Variants in DMD observed in about 807,000 individuals in gnomAD.
The protein encoded by DMD is mutant dystrophin.
A neutral mutation model predicts 330.1 loss-of-function variants in DMD; 63 were observed. That is an observed-to-expected ratio of 0.19 (90% CI 0.16 to 0.24). The LOEUF (loss-of-function observed/expected upper bound fraction) is 0.24, where lower values mean the gene tolerates loss of function less well. Among genes scored for constraint, DMD ranks in the 10% least tolerant of loss-of-function variants. The pLI is 1.00. For missense variants in DMD, 3,344 were observed against 2,684.1 expected (o/e 1.25, Z -5.43); for synonymous variants, 1,223 against 959.8 (o/e 1.27, Z -5.07).
intron 1 of DMD, among the ~76,000 whole-genome samples, chrX:33,047,235 G>C (rs770343839): frequency 8.9e-6 from 1 of 112,228 alleles, no homozygotes; most frequent in Non-Finnish European, 1.9e-5. Flanking sequence ...TGCTGACAAA[G>C]GAGAGTAAAC....
intron 2 of DMD, among the ~76,000 whole-genome samples, chrX:32,951,178 C>T (rs945600372): frequency 9.0e-6 from 1 of 111,500 alleles, no homozygotes; most frequent in Non-Finnish European, 1.9e-5. Context: ...TCTGATTATA[C>T]CCCACCATTT....
chrX:31,260,197 G>A (rs908789501), intron 63 of DMD, among the ~76,000 whole-genome samples: 8 of 111,325 alleles, frequency 7.2e-5, no homozygotes, highest in African/African-American at 2.6e-4. Flanking sequence ...AGCTATAACC[G>A]CACCACTGCA....
chrX:32,506,869 G>A, intron 18 of DMD, among the ~76,000 whole-genome samples: 1 of 111,417 alleles, frequency 9.0e-6, no homozygotes, highest in Non-Finnish European at 1.9e-5. Context: ...TAATTTGTTG[G>A]TTGAACTGAA....
intron 60 of DMD, among the ~76,000 whole-genome samples, chrX:31,437,306 T>C (rs1459518413): frequency 8.9e-6 from 1 of 111,815 alleles, no homozygotes; most frequent in Non-Finnish European, 1.9e-5. Flanking sequence ...GATGCAAAAA[T>C]ATATTTTTGC....
At chrX:32,381,370 C>T (rs1309628532) in intron 33 of DMD, among the ~76,000 whole-genome samples, 6 of 111,057 alleles carry the variant, frequency 5.4e-5, no homozygotes, top group Non-Finnish European at 1.1e-4. Context: ...ATACCAACAC[C>T]CTCAAAAGCA....
intron 53 of DMD, among the ~76,000 whole-genome samples, chrX:31,676,853 A>G (rs373303650): frequency 1.2e-4 from 13 of 112,586 alleles, no homozygotes; most frequent in African/African-American, 3.9e-4. Flanking sequence ...GTTATTATTA[A>G]CATTAGGATT....
At chrX:32,701,110 G>A (rs953644970) in intron 7 of DMD, among the ~76,000 whole-genome samples, 2 of 112,109 alleles carry the variant, frequency 1.8e-5, no homozygotes, top group Non-Finnish European at 3.8e-5. Flanking sequence ...TACAGAATCT[G>A]ATTCAATAGA....
chrX:32,452,190 G>T (rs915621457), intron 26 of DMD, among the ~76,000 whole-genome samples: 1 of 106,081 alleles, frequency 9.4e-6, no homozygotes, highest in African/African-American at 3.4e-5. Context: ...ATCTACTTAC[G>T]GATCTGAGGT....
intron 47 of DMD, among the ~76,000 whole-genome samples, chrX:31,891,771 C>G (rs2094255558): frequency 9.0e-6 from 1 of 111,544 alleles, no homozygotes; most frequent in Admixed American, 9.6e-5. Context: ...AGTTTGCTGA[C>G]CTCTGCTCTA....
chrX:33,301,160 T>C (rs916910439), intron 1 of DMD, among the ~76,000 whole-genome samples: 1 of 111,251 alleles, frequency 9.0e-6, no homozygotes, highest in African/African-American at 3.3e-5. Context: ...CCAGGCATTG[T>C]CTGATTTAGG....
intron 1 of DMD, among the ~76,000 whole-genome samples, chrX:33,293,982 A>C (rs1227000243): frequency 1.8e-5 from 2 of 111,519 alleles, no homozygotes; most frequent in African/African-American, 6.5e-5. Context: ...ACATCTCTTC[A>C]GCTATGACCA....
At chrX:33,094,185 C>G (rs915125688) in intron 1 of DMD, among the ~76,000 whole-genome samples, 1 of 111,483 alleles carries the variant, frequency 9.0e-6, no homozygotes. Flanking sequence ...ACACAATCAC[C>G]TGTAGAAAGC....
At chrX:33,210,523 A>G (rs1440017128) in intron 1 of DMD, among the ~76,000 whole-genome samples, 1 of 111,423 alleles carries the variant, frequency 9.0e-6, no homozygotes, top group Admixed American at 9.6e-5. Flanking sequence ...AATTGAACTG[A>G]AAAGCTGGCT....
intron 13 of DMD, among the ~76,000 whole-genome samples, chrX:32,595,538 G>C (rs1381091049): frequency 9.0e-6 from 1 of 111,649 alleles, no homozygotes; most frequent in Non-Finnish European, 1.9e-5. Flanking sequence ...TTCTGGTAAA[G>C]TATTAGATTT....
At chrX:31,840,570 T>TA (rs58854407) in intron 48 of DMD, among the ~76,000 whole-genome samples, 13 of 105,968 alleles carry the variant, frequency 1.2e-4, no homozygotes, top group Non-Finnish European at 2.3e-4. Flanking sequence ...TTTTTTTTTT[T>TA]ACAAACTGAA....
chrX:31,529,721 C>A (rs1011672953), intron 55 of DMD, among the ~76,000 whole-genome samples: 1 of 111,672 alleles, frequency 9.0e-6, no homozygotes, highest in Non-Finnish European at 1.9e-5. Flanking sequence ...GCCCTCTCAC[C>A]GTGGGGAGTA....
chrX:32,239,706 A>C (rs1484101257), intron 43 of DMD, among the ~76,000 whole-genome samples: 3 of 111,042 alleles, frequency 2.7e-5, no homozygotes, highest in Non-Finnish European at 5.7e-5. Context: ...ATATACTAAA[A>C]GCTCTGCCTT....
intron 48 of DMD, among the ~76,000 whole-genome samples, chrX:31,867,384 T>A (rs1334033418): frequency 9.0e-6 from 1 of 111,090 alleles, no homozygotes; most frequent in East Asian, 2.8e-4. Flanking sequence ...TTTTGAAATC[T>A]TTTATTGTCA....
chrX:32,199,507 C>T (rs2147696038), intron 44 of DMD, among the ~76,000 whole-genome samples: 1 of 110,326 alleles, frequency 9.1e-6, no homozygotes, highest in South Asian at 3.9e-4. Context: ...GCCAATTACA[C>T]ACATTTTTCC....
Sources: gnomAD v4.1 joint callset for allele counts (sites outside exome capture counted in the v4.1 genomes callset) on GRCh38, gnomAD v4.1.1 for gene constraint, MANE v1.5 for transcripts, NCBI Gene and HGNC (gene_info 2026-07-23, HGNC 2026-07-21) for gene names.